The following WIF1 variants were observed in gnomAD, a reference collection of about 807,000 sequenced individuals.
The protein encoded by WIF1 is Wnt inhibitory factor 1.
WIF1 carries 35 observed loss-of-function variants against 53.5 expected under a neutral mutation model. The ratio of observed to expected loss-of-function variants is 0.65; its 90% CI spans 0.50 to 0.87. WIF1 has a LOEUF of 0.87. Among genes scored for constraint, WIF1 ranks in the 40% least tolerant of loss-of-function variants. WIF1 has a pLI of 0.00. For missense variants in WIF1, 467 were observed against 476.8 expected (o/e 0.98, Z 0.19); for synonymous variants, 171 against 170.4 (o/e 1.00, Z -0.03).
chr12:65,087,347 A>G (rs926428152), intron 2 of WIF1, among the ~76,000 whole-genome samples: 1 of 152,204 alleles, frequency 6.6e-6, no homozygotes, highest in African/African-American at 2.4e-5. Context: ...TAGCACATAT[A>G]AGTAACTTAA....
At chr12:65,114,634 A>G (rs1883481717) in intron 2 of WIF1, among the ~76,000 whole-genome samples, 1 of 152,168 alleles carries the variant, frequency 6.6e-6, no homozygotes, top group Admixed American at 6.5e-5. Flanking sequence ...CATTTGTAAT[A>G]AACCTTACAT....
Position 65,121,217 on chromosome 12 carries a change from G to T in WIF1, c.-26C>A. 1 of 1,446,770 alleles carries T rather than the reference G, an allele frequency of 6.9e-7. No individual in the cohort carries two copies. Among genetic ancestry groups the T allele is most frequent in the Non-Finnish European group, 9.2e-7 (1 of 1,092,792 alleles). The allele number at this position is 1,446,770 out of a possible 1,614,324, so 89.6% of individuals were successfully genotyped here. ...GCTGCTCAGGACCTCCTCGCTGCCG[G>T]GAAAACTCCTCGTGCCGCACCTACG... On this transcript the variant is annotated 5_prime_UTR_variant, in exon 1 of 10. Transcript: ENST00000286574.
chr12:65,119,911 A>G (rs528173762), intron 2 of WIF1, among the ~76,000 whole-genome samples: 1 of 152,378 alleles, frequency 6.6e-6, no homozygotes, highest in South Asian at 2.1e-4. Flanking sequence ...ACGTTCTTAC[A>G]TGACACCTTT....
At chr12:65,069,877 G>T (rs557811294) in intron 3 of WIF1, among the ~76,000 whole-genome samples, 47 of 152,222 alleles carry the variant, frequency 3.1e-4, no homozygotes, top group Middle Eastern at 6.8e-3. Context: ...ATATCCACTG[G>T]GTAAGACTGA....
chr12:65,069,902 C>A (rs539635196), intron 3 of WIF1, among the ~76,000 whole-genome samples: 1 of 152,272 alleles, frequency 6.6e-6, no homozygotes, highest in East Asian at 1.9e-4. Context: ...GCAGATCCAC[C>A]AGACTCTTGT....
intron 3 of WIF1, 65 bp downstream of exon 3, chr12:65,077,681 T>A (rs576994816): frequency 1.7e-6 from 2 of 1,173,836 alleles, no homozygotes; most frequent in East Asian, 2.4e-5. Context: ...GACATTTGCA[T>A]CTTAAATATT....
intron 2 of WIF1, among the ~76,000 whole-genome samples, chr12:65,118,433 G>T (rs1883545693): frequency 6.6e-6 from 1 of 152,120 alleles, no homozygotes; most frequent in African/African-American, 2.4e-5. Flanking sequence ...AAAGCATCTT[G>T]CTGCTTGGTA....
intron 3 of WIF1, among the ~76,000 whole-genome samples, chr12:65,070,148 C>A (rs964732235): frequency 3.3e-5 from 5 of 152,126 alleles, no homozygotes; most frequent in African/African-American, 1.2e-4. Flanking sequence ...GCTGGTCATA[C>A]AATTTCTCAA....
chr12:65,087,388 C>T (rs1468854954), intron 2 of WIF1, among the ~76,000 whole-genome samples: 3 of 152,112 alleles, frequency 2.0e-5, no homozygotes, highest in Admixed American at 2.0e-4. Context: ...ATTTCTTTCA[C>T]AGTTCTTTAA....
chr12:65,118,894 G>T (rs781566458), intron 2 of WIF1, among the ~76,000 whole-genome samples: 1 of 152,220 alleles, frequency 6.6e-6, no homozygotes, highest in South Asian at 2.1e-4. Flanking sequence ...GAGAGAGTGC[G>T]CACGAGAGAG....
At chr12:65,112,423 C>CACACAT (rs1281868603) in intron 2 of WIF1, among the ~76,000 whole-genome samples, 1 of 149,894 alleles carries the variant, frequency 6.7e-6, no homozygotes, top group Admixed American at 6.6e-5. Context: ...CACACACACA[C>CACACAT]ACACACACAC....
chr12:65,055,982 A>C, intron 8 of WIF1, 49 bp downstream of exon 8: 1 of 1,545,080 alleles, frequency 6.5e-7, no homozygotes, highest in Non-Finnish European at 8.9e-7. Context: ...GACTCCTGCT[A>C]GTTTAACGAC....
At chr12:65,074,181 T>A (rs925519237) in intron 3 of WIF1, among the ~76,000 whole-genome samples, 11 of 151,876 alleles carry the variant, frequency 7.2e-5, no homozygotes, top group Non-Finnish European at 1.2e-4. Context: ...ATTTTTTATT[T>A]TTTTATTTTT....
At chr12:65,055,341 A>C (rs1882507212) in intron 8 of WIF1, 128 bp from the exon 9 acceptor site, 1 of 980,580 alleles carries the variant, frequency 1.0e-6, no homozygotes, top group African/African-American at 1.6e-5. Flanking sequence ...TTTTTTCCTA[A>C]GTCAGTCTCC....
chr12:65,113,121 A>G (rs559068945), intron 2 of WIF1, among the ~76,000 whole-genome samples: 1 of 152,304 alleles, frequency 6.6e-6, no homozygotes, highest in African/African-American at 2.4e-5. Flanking sequence ...TGCACGGGAG[A>G]ACAACTTGCC....
intron 2 of WIF1, among the ~76,000 whole-genome samples, chr12:65,104,202 A>G (rs1223224654): frequency 2.0e-5 from 3 of 152,200 alleles, no homozygotes; most frequent in African/African-American, 7.2e-5. Flanking sequence ...ATTAGGTTAA[A>G]TCACATAAAA....
At chr12:65,078,519 C>T (rs544648643) in intron 2 of WIF1, among the ~76,000 whole-genome samples, 1 of 152,262 alleles carries the variant, frequency 6.6e-6, no homozygotes, top group Admixed American at 6.5e-5. Context: ...TTTAATACTC[C>T]TAATTCTAAA....
chr12:65,083,689 A>T (rs1376411763), intron 2 of WIF1: 1 of 318,874 alleles, frequency 3.1e-6, no homozygotes, highest in Middle Eastern at 1.2e-3. Context: ...ATGTGCATGG[A>T]GCCTGGTTCA....
intron 2 of WIF1, among the ~76,000 whole-genome samples, chr12:65,081,919 AC>A (rs1371785225): frequency 6.6e-6 from 1 of 152,052 alleles, no homozygotes; most frequent in Non-Finnish European, 1.5e-5. Flanking sequence ...AAATTGACTA[AC>A]CTTTTATCTC....
Sources: allele counts gnomAD v4.1 joint callset (sites outside exome capture counted in the v4.1 genomes callset), GRCh38; gene constraint gnomAD v4.1.1; transcripts MANE v1.5; gene names NCBI Gene and HGNC (gene_info 2026-07-23, HGNC 2026-07-21).